FAM222B: variants seen among roughly 807,000 people sequenced by gnomAD.
The protein encoded by FAM222B is family with sequence similarity 222 member B.
In FAM222B, 12 loss-of-function variants were observed where a neutral mutation model predicts 38.0. The ratio of observed to expected loss-of-function variants is 0.32; its 90% CI spans 0.20 to 0.51. FAM222B has a LOEUF of 0.51. Among genes scored for constraint, FAM222B ranks in the 20% least tolerant of loss-of-function variants. The pLI, the probability that FAM222B is intolerant of heterozygous loss-of-function variation, is 0.97. For synonymous variants in FAM222B, 329 were observed against 317.2 expected, an observed-to-expected ratio of 1.04 and a Z score of -0.40; for missense variants, 716 against 754.2, an observed-to-expected ratio of 0.95 and a Z score of 0.59.
At chr17:28,851,144 A>G (rs1003466830) in intron 1 of FAM222B, among the ~76,000 whole-genome samples, 1 of 151,564 alleles carries the variant, frequency 6.6e-6, no homozygotes, top group Non-Finnish European at 1.5e-5. Flanking sequence ...AAAACAAAAA[A>G]ATGTTCCAAG....
intron 1 of FAM222B, among the ~76,000 whole-genome samples, chr17:28,840,616 G>T (rs1459331460): frequency 6.6e-6 from 1 of 152,008 alleles, no homozygotes; most frequent in African/African-American, 2.4e-5. Context: ...CAGGTCCCCG[G>T]AGCAGCCAGA....
chr17:28,758,811 G>A lies in FAM222B; in HGVS notation c.1148C>T (p.Thr383Met), dbSNP rs758359508. The A allele has an allele frequency of 1.7e-5, 27 of 1,581,696 alleles. No individual in the cohort carries two copies. Among genetic ancestry groups the A allele is most frequent in the African/African-American group, 4.0e-5 (3 of 74,254 alleles). ...LQQMCSEASG[T>M]PAPGLTGKHA... ...CTTGCCTGTCAGGCCAGGGGCTGGC[G>A]TCCCACTAGCCTCGCTGCACATCTG... is the stretch of plus-strand genomic sequence containing the variant. The change falls in exon 3 of 3, where the codon ACG becomes ATG. Residue 383 changes from threonine to methionine, a missense_variant. Physicochemically the swap from Thr to Met is moderately conservative, Grantham distance 81. Coordinates refer to ENST00000581407, the MANE Select transcript of FAM222B (RefSeq NM_001077498.3).
At chr17:28,826,871 C>A (rs2038459908) in intron 1 of FAM222B, among the ~76,000 whole-genome samples, 1 of 151,940 alleles carries the variant, frequency 6.6e-6, no homozygotes, top group South Asian at 2.1e-4. Flanking sequence ...AAGGGCCAGG[C>A]ACTCACCACC....
chr17:28,767,423 G>A (rs1430852362), intron 1 of FAM222B, among the ~76,000 whole-genome samples: 1 of 151,984 alleles, frequency 6.6e-6, no homozygotes, highest in Non-Finnish European at 1.5e-5. Flanking sequence ...CTCCCAAAGT[G>A]CCGGGATTAC....
intron 1 of FAM222B, among the ~76,000 whole-genome samples, chr17:28,821,512 AAACT>A (rs1321170300): frequency 2.6e-5 from 4 of 152,230 alleles, no homozygotes; most frequent in Non-Finnish European, 4.4e-5. Flanking sequence ...ACAGCTGAGA[AAACT>A]GATGTACTTT....
chr17:28,766,853 C>A, intron 1 of FAM222B, 146 bp from the exon 2 acceptor site: 1 of 557,864 alleles, frequency 1.8e-6, no homozygotes, highest in Admixed American at 3.2e-5. Context: ...AGTATACTTA[C>A]ATCTTTATCT....
chr17:28,808,076 A>C (rs2151917195), intron 1 of FAM222B, among the ~76,000 whole-genome samples: 1 of 152,296 alleles, frequency 6.6e-6, no homozygotes, highest in African/African-American at 2.4e-5. Flanking sequence ...GCTCAGTTGG[A>C]AGATTCATTA....
intron 2 of FAM222B, among the ~76,000 whole-genome samples, chr17:28,766,300 GA>G (rs1049320116): frequency 2.0e-5 from 3 of 151,780 alleles, no homozygotes; most frequent in African/African-American, 7.3e-5. Context: ...ACTAAAAATA[GA>G]AAATTAGCCA....
chr17:28,842,657 C>T lies in FAM222B; in HGVS notation c.-41+25G>A, dbSNP rs540831808. The stretch of plus-strand genomic sequence containing the variant: ...AAGTTACCCTCTTCCCACGCGTTGT[C>T]CACTCCCCCTCCACCACTACTCACG... On this transcript the variant is annotated intron_variant, in intron 1 of 2. Coordinates refer to ENST00000581407, the MANE Select transcript of FAM222B (RefSeq NM_001077498.3). The T allele has an allele frequency of 2.1e-3, 318 of 153,120 alleles. 1 individual carries two copies. Among genetic ancestry groups the T allele is most frequent in the Middle Eastern group, 0.014 (4 of 296 alleles). 9.5% of individuals were successfully genotyped at this position (153,120 alleles called of 1,614,324 possible).
chr17:28,791,543 T>C (rs953405140), intron 1 of FAM222B, among the ~76,000 whole-genome samples: 1 of 151,920 alleles, frequency 6.6e-6, no homozygotes, highest in Admixed American at 6.6e-5. Flanking sequence ...AGATAGAGAA[T>C]TTCGCCATTG....
At chr17:28,807,135 C>A (rs1001815742) in intron 1 of FAM222B, among the ~76,000 whole-genome samples, 4 of 151,740 alleles carry the variant, frequency 2.6e-5, no homozygotes, top group Admixed American at 6.6e-5. Context: ...CCTGCCTGGG[C>A]TTCCCAAGTA....
At chr17:28,815,275 G>A (rs538220552) in intron 1 of FAM222B, among the ~76,000 whole-genome samples, 43 of 149,834 alleles carry the variant, frequency 2.9e-4, no homozygotes, top group Non-Finnish European at 4.9e-4. Flanking sequence ...GTGCAGTGGC[G>A]CGATCTCGGC....
At chr17:28,815,706 TG>T (rs2037996251) in intron 1 of FAM222B, among the ~76,000 whole-genome samples, 1 of 152,008 alleles carries the variant, frequency 6.6e-6, no homozygotes, top group African/African-American at 2.4e-5. Flanking sequence ...GACTCACGAC[TG>T]TAACTCCAGC....
chr17:28,763,589 C>T (rs1265003926), intron 2 of FAM222B, among the ~76,000 whole-genome samples: 2 of 152,228 alleles, frequency 1.3e-5, no homozygotes, highest in Non-Finnish European at 2.9e-5. Flanking sequence ...CAACAGGAAC[C>T]TCTATCTGTA....
In FAM222B at chr17:28,758,250, G is replaced by A. The variant is rs754772891; in HGVS notation, c.*20C>T. The A allele has an allele frequency of 3.3e-5, 50 of 1,533,504 alleles. No individual in the cohort carries two copies. Among genetic ancestry groups the A allele is most frequent in the Middle Eastern group, 1.8e-4 (1 of 5,662 alleles). The allele number at this position is 1,533,504 out of a possible 1,614,324, so 95.0% of individuals were successfully genotyped here. A position where few individuals can be genotyped will look rare whatever the true frequency, so the allele number is the denominator to read the frequency against. On this transcript the variant is annotated 3_prime_UTR_variant, in exon 3 of 3. Transcript: ENST00000581407. ...GAGGGTGATGTATGATGTGTTGCAC[G>A]TGGAGGGCAGCAGGGCTACCTATCT...
chr17:28,831,504 CTTTTTT>C (rs35692613), intron 1 of FAM222B, among the ~76,000 whole-genome samples: 1 of 110,882 alleles, frequency 9.0e-6, no homozygotes, highest in Non-Finnish European at 1.8e-5. Context: ...TTGTCAAAGG[CTTTTTT>C]TTTTTTTTTT....
chr17:28,842,934 C>T (rs1469891288), upstream of FAM222B: 2 of 152,336 alleles, frequency 1.3e-5, no homozygotes, highest in African/African-American at 2.4e-5. Flanking sequence ...TGGGAGCTGG[C>T]CTTGAAGAAT....
intron 1 of FAM222B, among the ~76,000 whole-genome samples, chr17:28,788,795 G>A (rs1018119543): frequency 1.3e-5 from 2 of 151,948 alleles, no homozygotes; most frequent in Admixed American, 6.6e-5. Context: ...AGGCTGGAGC[G>A]CAGTGATGCA....
At chr17:28,809,681 GA>G (rs1269753441) in intron 1 of FAM222B, among the ~76,000 whole-genome samples, 2 of 152,062 alleles carry the variant, frequency 1.3e-5, no homozygotes, top group African/African-American at 4.8e-5. Context: ...CAAAAAAATA[GA>G]AATATCGGGC....
Sources: allele counts gnomAD v4.1 joint callset (sites outside exome capture counted in the v4.1 genomes callset), GRCh38; gene constraint gnomAD v4.1.1; transcripts MANE v1.5; gene names NCBI Gene and HGNC (gene_info 2026-07-23, HGNC 2026-07-21).